The following MYOM1 variants were observed in gnomAD, a reference collection of about 807,000 sequenced individuals.
MYOM1 encodes the protein myomesin-1.
MYOM1 carries 164 observed loss-of-function variants against 205.3 expected under a neutral mutation model. The ratio of observed to expected loss-of-function variants is 0.80; its 90% CI spans 0.70 to 0.91. MYOM1 has a LOEUF of 0.91. MYOM1 is among the 40% of genes least tolerant of loss of function. The probability of loss-of-function intolerance (pLI) is 0.00; values close to 1 mark genes in which losing one functional copy is unlikely to be tolerated. For synonymous variants in MYOM1, 772 were observed against 789.4 expected (o/e 0.98, Z 0.37); for missense variants, 2,011 against 2,127.3 (o/e 0.95, Z 1.08).
Position 3,101,618 on chromosome 18 carries a change from C to T in MYOM1, c.3575+856G>A, listed in dbSNP as rs149212467. ...CACGCATGAGTGATGATCAAAAAAG[C>T]AGAAAAGATTATCCTCAATCCATTT... On this transcript the variant is annotated intron_variant, in intron 23 of 37. Transcript: ENST00000356443. 6.7e-3 allele frequency among the ~76,000 whole-genome samples: 1,022 copies of T among 152,270 alleles called. 13 individuals are homozygous for T. The highest frequency in any genetic ancestry group is 0.023 in the African/African-American group (954 of 41,566).
intron 5 of MYOM1, among the ~76,000 whole-genome samples, chr18:3,182,068 C>T (rs61057956): frequency 0.052 from 7,965 of 152,132 alleles, 695 homozygotes; most frequent in African/African-American, 0.18. Context: ...ATTATAAATG[C>T]TTTGCTTGAG....
At chr18:3,175,797 G>T (rs755070035) in intron 6 of MYOM1, among the ~76,000 whole-genome samples, 58 of 152,254 alleles carry the variant, frequency 3.8e-4, no homozygotes, top group Non-Finnish European at 6.6e-4. Flanking sequence ...ATGCAAATTG[G>T]TTTTTTTCTC....
At chr18:3,120,097 C>A in intron 19 of MYOM1, 102 bp from the exon 20 acceptor site, 2 of 1,433,754 alleles carry the variant, frequency 1.4e-6, no homozygotes, top group South Asian at 1.5e-5. Flanking sequence ...TCAGACACAC[C>A]CTAGGGTGAC....
At chr18:3,068,700 C>T (rs988315353) in intron 37 of MYOM1, among the ~76,000 whole-genome samples, 1 of 152,180 alleles carries the variant, frequency 6.6e-6, no homozygotes, top group Non-Finnish European at 1.5e-5. Context: ...ATCCAAGATG[C>T]TGCATGTATC....
At chr18:3,173,306 C>T (rs1390774618) in intron 8 of MYOM1, among the ~76,000 whole-genome samples, 1 of 152,024 alleles carries the variant, frequency 6.6e-6, no homozygotes, top group Non-Finnish European at 1.5e-5. Flanking sequence ...TTTATTTATT[C>T]ATTTCATTAT....
At chr18:3,115,457 C>G (rs2079591158) in intron 21 of MYOM1, among the ~76,000 whole-genome samples, 1 of 152,098 alleles carries the variant, frequency 6.6e-6, no homozygotes, top group Admixed American at 6.6e-5. Flanking sequence ...ATCTTTTTGG[C>G]CAGGTATACT....
intron 30 of MYOM1, among the ~76,000 whole-genome samples, 195 bp from the exon 31 acceptor site, chr18:3,085,327 C>T (rs771568386): frequency 3.9e-5 from 5 of 128,950 alleles, no homozygotes; most frequent in African/African-American, 5.9e-5. Context: ...GTGATTATAG[C>T]TCACTGTATC....
Position 3,135,142 on chromosome 18 carries a change from G to T in MYOM1, c.2210-318C>A. 3.1e-6 allele frequency: 1 copy of T among 321,258 alleles called. No homozygotes were observed. Among genetic ancestry groups the T allele is most frequent in the Non-Finnish European group, 5.9e-6 (1 of 169,072 alleles). 19.9% of individuals were successfully genotyped at this position (321,258 alleles called of 1,614,324 possible). A position where few individuals can be genotyped will look rare whatever the true frequency, so the allele number is the denominator to read the frequency against. On this transcript the variant is annotated intron_variant, in intron 15 of 37. Transcript: ENST00000356443. This position sits in a 1 kb window ranked among gnomAD's most constrained non-coding sequence, Gnocchi z 4.1. The stretch of plus-strand genomic sequence containing the variant: ...TTTTTGTGTTTTCAGTAGAGATGGG[G>T]TTTCACCATGTTGGCCAGGCTGGTC...
At chr18:3,075,873 C>T in intron 34 of MYOM1, 112 bp from the exon 35 acceptor site, 2 of 940,394 alleles carry the variant, frequency 2.1e-6, no homozygotes, top group Non-Finnish European at 3.3e-6. Context: ...CATGACTAAA[C>T]CGACTTTGAT....
In MYOM1 at chr18:3,164,401, A is replaced by G. The variant is rs781034408; in HGVS notation, c.1378T>C (p.Trp460Arg). 8 of 1,610,222 alleles carry G rather than the reference A, an allele frequency of 5.0e-6. No homozygotes were observed. Among genetic ancestry groups the G allele is most frequent in the Non-Finnish European group, 6.8e-6 (8 of 1,177,918 alleles). Reference sequence around the variant, plus strand: ...GTCAGCGTTGCCCGCTCTCCACTCCAAAGTGTTTGCACCCATTTTGATGGA... The same window carrying G: ...GTCAGCGTTGCCCGCTCTCCACTCCGAAGTGTTTGCACCCATTTTGATGGA... The part of the protein sequence containing the change: ...LSPSKWVQTL[W>R]SGERATLTFS... Residue 460 changes from tryptophan (W) to arginine (R), a missense_variant, in exon 10 of 38, where the codon TGG becomes CGG. By Grantham distance (101) the Trp-to-Arg change is moderately radical. Coordinates refer to ENST00000356443, the MANE Select transcript of MYOM1 (RefSeq NM_003803.4).
At chr18:3,214,518 C>G (rs145688746) in intron 2 of MYOM1, among the ~76,000 whole-genome samples, 20 of 152,232 alleles carry the variant, frequency 1.3e-4, no homozygotes, top group Admixed American at 1.1e-3. Context: ...GCAGGGCTGC[C>G]GTATTTAAGA....
intron 2 of MYOM1, among the ~76,000 whole-genome samples, chr18:3,210,349 G>A (rs914521676): frequency 6.6e-6 from 1 of 152,198 alleles, no homozygotes; most frequent in Non-Finnish European, 1.5e-5. Flanking sequence ...GTAGTTTCAA[G>A]AGGTTATAAT....
chr18:3,102,900 G>A (rs1447389632), intron 22 of MYOM1, among the ~76,000 whole-genome samples: 2 of 152,214 alleles, frequency 1.3e-5, no homozygotes, highest in African/African-American at 4.8e-5. Flanking sequence ...ACAGTTATGG[G>A]AGTGGATTGA....
intron 2 of MYOM1, among the ~76,000 whole-genome samples, chr18:3,205,781 T>C (rs1392040832): frequency 1.3e-5 from 2 of 152,174 alleles, no homozygotes; most frequent in Admixed American, 6.5e-5. Flanking sequence ...ACAATGTATA[T>C]ACATATAACA....
intron 5 of MYOM1, among the ~76,000 whole-genome samples, chr18:3,178,728 A>G (rs1366009119): frequency 6.6e-6 from 1 of 152,226 alleles, no homozygotes; most frequent in Non-Finnish European, 1.5e-5. Context: ...AATATGACAC[A>G]GTATGAATCG....
intron 34 of MYOM1, among the ~76,000 whole-genome samples, chr18:3,076,566 G>A (rs1006703902): frequency 6.6e-6 from 1 of 152,164 alleles, no homozygotes; most frequent in Non-Finnish European, 1.5e-5. Context: ...CACAGAGGGT[G>A]CTGGTGCTTG....
chr18:3,214,396 G>T (rs955922332), intron 2 of MYOM1, among the ~76,000 whole-genome samples: 3 of 152,118 alleles, frequency 2.0e-5, no homozygotes, highest in African/African-American at 7.2e-5. Context: ...AGCAAGACTC[G>T]CCCGTGAGAA....
upstream of MYOM1, among the ~76,000 whole-genome samples, chr18:3,220,320 A>G (rs2081316842): frequency 6.6e-6 from 1 of 152,218 alleles, no homozygotes; most frequent in Non-Finnish European, 1.5e-5. Context: ...TGCTGTTAAC[A>G]ACACACGTAC....
At chr18:3,067,752 A>C (rs1388191658) in intron 37 of MYOM1, among the ~76,000 whole-genome samples, 197 bp from the exon 38 acceptor site, 1 of 152,228 alleles carries the variant, frequency 6.6e-6, no homozygotes, top group Non-Finnish European at 1.5e-5. Flanking sequence ...GATCTCCTCA[A>C]GGCCTTTTAA....
Sources: gnomAD v4.1 joint callset for allele counts (sites outside exome capture counted in the v4.1 genomes callset) on GRCh38, gnomAD v4.1.1 for gene constraint, Gnocchi (gnomAD v3.1) non-coding constraint, MANE v1.5 for transcripts, NCBI Gene and HGNC (gene_info 2026-07-23, HGNC 2026-07-21) for gene names.